The following CEP135 variants were observed in gnomAD, a reference collection of about 807,000 sequenced individuals.
CEP135 encodes centrosomal protein of 135 kDa.
Under a neutral mutation model 157.3 loss-of-function variants are expected in CEP135, and 142 were observed. The ratio of observed to expected loss-of-function variants is 0.90; its 90% confidence interval spans 0.79 to 1.04. CEP135 has a LOEUF of 1.04. Ranked by LOEUF, CEP135 falls within the 50% of genes least tolerant of loss-of-function variation. The probability of loss-of-function intolerance (pLI) is 0.00; values close to 1 mark genes in which losing one functional copy is unlikely to be tolerated. For missense variants in CEP135, 1,317 were observed against 1,309.2 expected, an observed-to-expected ratio of 1.01 and a Z score of -0.09; for synonymous variants, 396 against 439.8, an observed-to-expected ratio of 0.90 and a Z score of 1.25.
chr4:55,978,628 G>A (rs1273876446), intron 11 of CEP135, among the ~76,000 whole-genome samples: 2 of 152,182 alleles, frequency 1.3e-5, no homozygotes, highest in East Asian at 1.9e-4. Flanking sequence ...ATAGCTCACT[G>A]TAACCTTGAA....
chr4:56,014,180 G>C (rs1320997151), intron 21 of CEP135, among the ~76,000 whole-genome samples: 2 of 152,174 alleles, frequency 1.3e-5, no homozygotes. Flanking sequence ...CACAATTTGT[G>C]GCAATTTGTT....
At chr4:55,979,479 A>T (rs1159416903) in intron 11 of CEP135, among the ~76,000 whole-genome samples, 1 of 152,150 alleles carries the variant, frequency 6.6e-6, no homozygotes, top group East Asian at 1.9e-4. Flanking sequence ...TTGACTGTAT[A>T]AAAAGACCTC....
At chr4:55,985,241 T>C (rs541128281) in intron 13 of CEP135, 40 bp from the exon 14 acceptor site, 3 of 1,156,312 alleles carry the variant, frequency 2.6e-6, no homozygotes, top group African/African-American at 1.5e-5. Context: ...TGTTTTGTTA[T>C]CTGATACAAA....
Position 56,011,404 on chromosome 4 carries a change from A to T in CEP135, c.2506-8A>T. The T allele has an allele frequency of 6.4e-7, 1 of 1,572,408 alleles. No individual in the cohort carries two copies. The highest frequency in any genetic ancestry group is 1.2e-5 in the South Asian group (1 of 85,818). On this transcript the variant is annotated splice_region_variant and splice_polypyrimidine_tract_variant and intron_variant, in intron 19 of 25. Coordinates refer to ENST00000257287, the MANE Select transcript of CEP135 (RefSeq NM_025009.5). ...ATTTTAGATTGTCTTTAATTTTCTG[A>T]TTTGTAGGAAATCTCATTGGAATTG...
At chr4:55,960,528 C>T (rs1286850236) in intron 6 of CEP135, 3 of 152,128 alleles carry the variant, frequency 2.0e-5, no homozygotes, top group Non-Finnish European at 4.4e-5. Flanking sequence ...GCATTGACTG[C>T]ATTTTTTTTG....
chr4:55,957,419 A>G, intron 5 of CEP135, 55 bp downstream of exon 5: 1 of 1,552,878 alleles, frequency 6.4e-7, no homozygotes, highest in Non-Finnish European at 8.8e-7. Context: ...AATTAGCTGT[A>G]AGTTTCTTGA....
chr4:55,994,011 G>T (rs950172877), intron 15 of CEP135, among the ~76,000 whole-genome samples: 5 of 152,074 alleles, frequency 3.3e-5, no homozygotes, highest in African/African-American at 1.2e-4. Flanking sequence ...GACTTATCTT[G>T]TCTCTTAGGA....
chr4:56,009,768 T>C lies in CEP135; in HGVS notation c.2370T>C (p.Arg790=). The change falls in exon 19 of 26, where the codon CGT becomes CGC. Residue 790 remains arginine (R), a synonymous_variant. Coordinates refer to ENST00000257287, the MANE Select transcript of CEP135 (RefSeq NM_025009.5). Reference sequence around the variant, plus strand: ...AAGAAACATTGGTTAATCGAGATCGTGAGATAAACAGCCTCCGGCGCCAGC... The same window carrying C: ...AAGAAACATTGGTTAATCGAGATCGCGAGATAAACAGCCTCCGGCGCCAGC... The part of the protein sequence containing the change: ...QLKETLVNRD[R]EINSLRRQLD... The C allele has an allele frequency of 6.2e-7, 1 of 1,612,052 alleles. No homozygotes were observed. The highest frequency in any genetic ancestry group is 8.5e-7 in the Non-Finnish European group (1 of 1,179,640).
chr4:55,989,711 G>A (rs1166874719), intron 14 of CEP135, among the ~76,000 whole-genome samples: 1 of 152,154 alleles, frequency 6.6e-6, no homozygotes. Context: ...AAACATAAAA[G>A]ATATTCTACC....
chr4:56,026,784 G>C (rs924463610), intron 25 of CEP135, among the ~76,000 whole-genome samples: 1 of 152,228 alleles, frequency 6.6e-6, no homozygotes, highest in African/African-American at 2.4e-5. Context: ...CTGATTCACT[G>C]GAGATGGGAA....
intron 6 of CEP135, among the ~76,000 whole-genome samples, chr4:55,962,756 A>T (rs1240448506): frequency 1.4e-5 from 2 of 142,070 alleles, no homozygotes; most frequent in African/African-American, 2.6e-5. Context: ...CTTTTTTTCA[A>T]CTGTCCACTC....
At chr4:56,021,614 A>T (rs1282322416) in intron 24 of CEP135, among the ~76,000 whole-genome samples, 1 of 152,188 alleles carries the variant, frequency 6.6e-6, no homozygotes, top group Non-Finnish European at 1.5e-5. Flanking sequence ...ATTCTCAATT[A>T]GTGGCCAAAT....
chr4:55,954,078 A>G lies in CEP135; in HGVS notation c.305-138A>G, dbSNP rs1728437729. Reference sequence around the variant, plus strand: ...TTTGTTAATAATAGTAGAAGAAGGAATAAGTGTCAACTAAAGCATGCATAA... The same window carrying G: ...TTTGTTAATAATAGTAGAAGAAGGAGTAAGTGTCAACTAAAGCATGCATAA... On this transcript the variant is annotated intron_variant, in intron 3 of 25. Transcript: ENST00000257287. 57 of 653,966 alleles carry G rather than the reference A, an allele frequency of 8.7e-5. 1 individual carries two copies. The South Asian group carries it at 1.4e-3, about 16-fold the overall frequency. The allele number at this position is 653,966 out of a possible 1,614,324, so 40.5% of individuals were successfully genotyped here.
intron 4 of CEP135, among the ~76,000 whole-genome samples, chr4:55,955,979 A>G (rs546908612): frequency 2.0e-5 from 3 of 152,220 alleles, no homozygotes; most frequent in Admixed American, 1.3e-4. Flanking sequence ...GATTATGTAG[A>G]CTGGGAAGAG....
At position 55,984,971 on chromosome 4, in the gene CEP135, G is replaced by A. The variant is rs534724991; in HGVS notation, c.1780-310G>A. ...GCTTTTTATTTAACCTGCTGGTTTTGTCCTTTTATAGTTGTGCTATTATGG... is the reference window on the plus strand; with the variant it reads ...GCTTTTTATTTAACCTGCTGGTTTTATCCTTTTATAGTTGTGCTATTATGG... On this transcript the variant is annotated intron_variant, in intron 13 of 25. Transcript: ENST00000257287. Among the ~76,000 whole-genome samples, 15 of 152,164 alleles carry A rather than the reference G, an allele frequency of 9.9e-5. 1 individual carries two copies. The South Asian group carries it at 2.7e-3, about 27-fold the overall frequency.
intron 15 of CEP135, among the ~76,000 whole-genome samples, 196 bp downstream of exon 15, chr4:55,992,281 T>A (rs1246385973): frequency 6.6e-6 from 1 of 152,206 alleles, no homozygotes; most frequent in Non-Finnish European, 1.5e-5. Context: ...TCACTGAGAA[T>A]CTACTGGGGT....
intron 10 of CEP135, 51 bp from the exon 11 acceptor site, chr4:55,974,695 C>A: frequency 7.4e-7 from 1 of 1,342,396 alleles, no homozygotes; most frequent in South Asian, 1.3e-5. Flanking sequence ...CTTGACTAAT[C>A]AACATTATGT....
chr4:55,983,734 C>T lies in CEP135; in HGVS notation c.1780-1547C>T, dbSNP rs184527520. Among the ~76,000 whole-genome samples, 28 of 152,140 alleles carry T rather than the reference C, an allele frequency of 1.8e-4. 1 individual carries two copies. The highest frequency in any genetic ancestry group is 1.6e-3 in the Admixed American group (24 of 15,274). ...GACAGGGTTTCATCATATTGGCCAG[C>T]TGGTCTCAAACCCCTGACCTCAGGT... On this transcript the variant is annotated intron_variant, in intron 13 of 25. Coordinates refer to ENST00000257287, the MANE Select transcript of CEP135 (RefSeq NM_025009.5).
At chr4:55,997,736 AT>A (rs1730023116) in intron 15 of CEP135, among the ~76,000 whole-genome samples, 1 of 152,130 alleles carries the variant, frequency 6.6e-6, no homozygotes, top group Non-Finnish European at 1.5e-5. Context: ...AACAGTTCTA[AT>A]TATGGAACCG....
Sources: gnomAD v4.1 joint callset for allele counts (sites outside exome capture counted in the v4.1 genomes callset) on GRCh38, gnomAD v4.1.1 for gene constraint, MANE v1.5 for transcripts, NCBI Gene and HGNC (gene_info 2026-07-23, HGNC 2026-07-21) for gene names.